GRM1: variants seen among roughly 807,000 people sequenced by gnomAD.
GRM1 encodes glutamate metabotropic receptor 1, also known as metabotropic glutamate receptor 1.
A neutral mutation model predicts 90.9 loss-of-function variants in GRM1; 33 were observed. That is an observed-to-expected ratio of 0.36 (90% CI 0.28 to 0.49). GRM1 has a LOEUF of 0.49. Ranked by LOEUF, GRM1 falls within the 20% of genes least tolerant of loss-of-function variation. The probability of loss-of-function intolerance (pLI) is 0.99; values close to 1 mark genes in which losing one functional copy is unlikely to be tolerated. For synonymous variants in GRM1, 700 were observed against 613.2 expected, an observed-to-expected ratio of 1.14 and a Z score of -2.09; for missense variants, 1,190 against 1,534.3, an observed-to-expected ratio of 0.78 and a Z score of 3.75.
intron 2 of GRM1, among the ~76,000 whole-genome samples, chr6:146,181,465 A>C (rs1041800684): frequency 6.6e-6 from 1 of 152,204 alleles, no homozygotes; most frequent in Non-Finnish European, 1.5e-5. Flanking sequence ...CATTTCAAAA[A>C]GAAGATCAAG....
At chr6:146,213,679 A>G (rs534098716) in intron 2 of GRM1, among the ~76,000 whole-genome samples, 2 of 148,592 alleles carry the variant, frequency 1.3e-5, no homozygotes, top group African/African-American at 2.5e-5. Context: ...AGATAGATGG[A>G]AAGATTAGAT....
intron 1 of GRM1, among the ~76,000 whole-genome samples, chr6:146,077,661 A>G (rs1445869380): frequency 6.6e-6 from 1 of 152,196 alleles, no homozygotes; most frequent in African/African-American, 2.4e-5. Context: ...TGGATAGTGA[A>G]GGGGGAAAAT....
At chr6:146,139,377 G>C (rs1260439721) in intron 1 of GRM1, among the ~76,000 whole-genome samples, 2 of 152,096 alleles carry the variant, frequency 1.3e-5, no homozygotes, top group African/African-American at 4.8e-5. Context: ...TTGATTTTCT[G>C]TATGGATGAT....
At chr6:146,278,985 G>C (rs1161238881) in intron 2 of GRM1, among the ~76,000 whole-genome samples, 3 of 152,098 alleles carry the variant, frequency 2.0e-5, no homozygotes, top group African/African-American at 7.2e-5. Flanking sequence ...AATTACAGGC[G>C]TGAGCGACCG....
intron 2 of GRM1, among the ~76,000 whole-genome samples, chr6:146,299,643 G>T (rs533714285): frequency 5.9e-5 from 9 of 152,188 alleles, no homozygotes; most frequent in African/African-American, 1.9e-4. Flanking sequence ...AAATCATATT[G>T]GTTGATTATT....
chr6:146,097,125 A>T (rs1010160109), intron 1 of GRM1, among the ~76,000 whole-genome samples: 1 of 152,150 alleles, frequency 6.6e-6, no homozygotes, highest in Non-Finnish European at 1.5e-5. Context: ...TCAGGAACTA[A>T]AATACAGACA....
At chr6:146,352,060 T>G (rs934534365) in intron 3 of GRM1, among the ~76,000 whole-genome samples, 190 bp from the exon 4 acceptor site, 3 of 152,204 alleles carry the variant, frequency 2.0e-5, no homozygotes, top group Non-Finnish European at 4.4e-5. Flanking sequence ...TAAAACTGAA[T>G]AAATCATTTG....
At chr6:146,047,004 C>T (rs1026340218) in intron 1 of GRM1, among the ~76,000 whole-genome samples, 1 of 151,948 alleles carries the variant, frequency 6.6e-6, no homozygotes, top group Non-Finnish European at 1.5e-5. Context: ...AATAATCTCA[C>T]ATCAATAAAA....
intron 5 of GRM1, among the ~76,000 whole-genome samples, chr6:146,363,704 A>G (rs1374706702): frequency 6.6e-6 from 1 of 152,206 alleles, no homozygotes; most frequent in East Asian, 1.9e-4. Context: ...GTTCTCAGCT[A>G]TTTAAATGGA....
chr6:146,364,801 A>C (rs1475812884), intron 5 of GRM1: 1 of 146,928 alleles, frequency 6.8e-6, no homozygotes, highest in Non-Finnish European at 1.5e-5. Flanking sequence ...GGAACAATTT[A>C]AAGGGTAGAA....
chr6:146,190,907 T>C (rs1778915070), intron 2 of GRM1, among the ~76,000 whole-genome samples: 1 of 152,196 alleles, frequency 6.6e-6, no homozygotes, highest in African/African-American at 2.4e-5. Context: ...TTACGTATTA[T>C]AGGCTGATTT....
intron 1 of GRM1, among the ~76,000 whole-genome samples, chr6:146,060,226 A>G (rs1184468795): frequency 3.3e-5 from 5 of 152,010 alleles, no homozygotes; most frequent in Non-Finnish European, 7.4e-5. Flanking sequence ...CTTAGAGGCA[A>G]TTATATAGGT....
At chr6:146,046,612 T>C (rs1791339992) in intron 1 of GRM1, among the ~76,000 whole-genome samples, 1 of 152,030 alleles carries the variant, frequency 6.6e-6, no homozygotes, top group South Asian at 2.1e-4. Flanking sequence ...CAATTTATTT[T>C]ATAAAAACTG....
intron 2 of GRM1, among the ~76,000 whole-genome samples, chr6:146,225,511 G>A (rs1780207899): frequency 6.6e-6 from 1 of 152,056 alleles, no homozygotes; most frequent in Admixed American, 6.6e-5. Context: ...TCTTGCACAG[G>A]CTATACTTCA....
At chr6:146,358,635 A>T (rs768047790) in intron 5 of GRM1, among the ~76,000 whole-genome samples, 12 of 152,194 alleles carry the variant, frequency 7.9e-5, no homozygotes, top group Non-Finnish European at 1.6e-4. Context: ...AAAAACACCC[A>T]TGGAGGAGAG....
At chr6:146,363,369 A>G (rs985962696) in intron 5 of GRM1, among the ~76,000 whole-genome samples, 1 of 152,096 alleles carries the variant, frequency 6.6e-6, no homozygotes, top group Non-Finnish European at 1.5e-5. Flanking sequence ...CCTGCTATTC[A>G]AAGAGCTCTC....
At chr6:146,323,404 G>A (rs141728195) in intron 3 of GRM1, among the ~76,000 whole-genome samples, 4,487 of 152,228 alleles carry the variant, frequency 0.029, 88 homozygotes, top group Middle Eastern at 0.065. Context: ...AGAAGTGTCT[G>A]TTCATATCCT....
intron 2 of GRM1, among the ~76,000 whole-genome samples, chr6:146,271,233 TG>T (rs1782152069): frequency 6.6e-6 from 1 of 152,094 alleles, no homozygotes; most frequent in African/African-American, 2.4e-5. Flanking sequence ...CTTGATCTCC[TG>T]ACCTCATGAT....
chr6:146,041,162 GT>G (rs1259375492), intron 1 of GRM1, among the ~76,000 whole-genome samples: 1 of 151,892 alleles, frequency 6.6e-6, no homozygotes, highest in East Asian at 1.9e-4. Context: ...GCTTTTATGT[GT>G]TATCTTGGAG....
Sources: allele counts gnomAD v4.1 joint callset (sites outside exome capture counted in the v4.1 genomes callset), GRCh38; gene constraint gnomAD v4.1.1; transcripts MANE v1.5; gene names NCBI Gene and HGNC (gene_info 2026-07-23, HGNC 2026-07-21).